The following ABLIM1 variants were observed in gnomAD, a reference collection of about 807,000 sequenced individuals.
The protein encoded by ABLIM1 is actin-binding LIM protein 1.
A neutral mutation model predicts 107.0 loss-of-function variants in ABLIM1; 40 were observed. The observed-to-expected ratio is 0.37, with a 90% confidence interval of 0.29 to 0.49. The LOEUF (loss-of-function observed/expected upper bound fraction) is 0.49. ABLIM1 is among the 20% of genes least tolerant of loss of function. The probability of loss-of-function intolerance (pLI) is 0.97; values close to 1 mark genes in which losing one functional copy is unlikely to be tolerated. For synonymous variants in ABLIM1, 357 were observed against 357.3 expected (o/e 1.00, Z 0.01); for missense variants, 857 against 1,008.5 (o/e 0.85, Z 2.04).
intron 1 of ABLIM1, among the ~76,000 whole-genome samples, chr10:114,633,770 A>G (rs541190184): frequency 2.0e-5 from 3 of 152,236 alleles, no homozygotes; most frequent in Admixed American, 1.3e-4. Flanking sequence ...GCACTTGTCT[A>G]CTTTCCCACT....
At position 114,601,973 on chromosome 10, in the gene ABLIM1, TCAA is replaced by T. The variant is rs1566067628; in HGVS notation, c.245-15_245-13del. On this transcript the variant is annotated splice_polypyrimidine_tract_variant and intron_variant, in intron 1 of 22. Transcript: ENST00000533213. Reference sequence around the variant, plus strand: ...CTGAGGGTGGGCCACTGAAAGAAAATCAACAAAAGATCCAGGTGAGTAGAGAGC... The same window carrying T: ...CTGAGGGTGGGCCACTGAAAGAAAATCAAAAGATCCAGGTGAGTAGAGAGC... 6.2e-7 allele frequency: 1 copy of T among 1,613,454 alleles called. No individual in the cohort carries two copies. Among genetic ancestry groups the T allele is most frequent in the East Asian group, 2.2e-5 (1 of 44,848 alleles).
intron 2 of ABLIM1, among the ~76,000 whole-genome samples, chr10:114,600,896 T>C (rs1173721825): frequency 2.0e-5 from 3 of 152,098 alleles, no homozygotes; most frequent in African/African-American, 4.8e-5. Flanking sequence ...AAATAACAGG[T>C]TGGCATATTT....
intron 22 of ABLIM1, 112 bp from the exon 23 acceptor site, chr10:114,436,485 G>A: frequency 1.3e-6 from 1 of 745,974 alleles, no homozygotes; most frequent in Non-Finnish European, 2.2e-6. Flanking sequence ...CAAGGCAGGA[G>A]GACGGGAGAG....
At chr10:114,523,667 A>G (rs2064138850) in intron 6 of ABLIM1, among the ~76,000 whole-genome samples, 1 of 152,112 alleles carries the variant, frequency 6.6e-6, no homozygotes, top group Admixed American at 6.6e-5. Context: ...AGACATTAAA[A>G]CCTGCTTAGA....
chr10:114,488,502 T>G (rs961809499), intron 7 of ABLIM1, among the ~76,000 whole-genome samples: 1 of 152,258 alleles, frequency 6.6e-6, no homozygotes. Context: ...TTGATTCAAT[T>G]ATACATAGTC....
intron 15 of ABLIM1, among the ~76,000 whole-genome samples, 167 bp downstream of exon 15, chr10:114,447,713 G>A (rs1250757126): frequency 2.0e-5 from 3 of 152,166 alleles, no homozygotes; most frequent in Non-Finnish European, 4.4e-5. Context: ...TAAGCGTTTT[G>A]TACAACAAGT....
At chr10:114,676,597 G>A (rs1466899581) in intron 1 of ABLIM1, among the ~76,000 whole-genome samples, 1 of 152,000 alleles carries the variant, frequency 6.6e-6, no homozygotes, top group Non-Finnish European at 1.5e-5. Flanking sequence ...GAAACTCGGG[G>A]GATTTCAGAT....
At chr10:114,522,979 C>G (rs1005860064) in intron 6 of ABLIM1, among the ~76,000 whole-genome samples, 5 of 152,116 alleles carry the variant, frequency 3.3e-5, no homozygotes, top group Admixed American at 2.6e-4. Context: ...GGTGAAACCC[C>G]ATCTCTACTA....
chr10:114,665,716 C>T (rs898354353), intron 1 of ABLIM1, among the ~76,000 whole-genome samples: 2 of 152,150 alleles, frequency 1.3e-5, no homozygotes, highest in Admixed American at 6.5e-5. Context: ...CCTCTCTCAG[C>T]GCTTGTTTTT....
chr10:114,654,795 C>G (rs1467489088), intron 1 of ABLIM1, among the ~76,000 whole-genome samples: 1 of 152,214 alleles, frequency 6.6e-6, no homozygotes, highest in Non-Finnish European at 1.5e-5. Flanking sequence ...TCTAGTGATC[C>G]TCTGCATCTC....
intron 2 of ABLIM1, among the ~76,000 whole-genome samples, chr10:114,580,160 T>C (rs983819199): frequency 4.0e-5 from 6 of 150,044 alleles, no homozygotes; most frequent in Admixed American, 2.0e-4. Flanking sequence ...CCTTTTTGAA[T>C]GCCTTTATAA....
At chr10:114,439,677 C>T (rs1349404525) in intron 20 of ABLIM1, 1 of 355,350 alleles carries the variant, frequency 2.8e-6, no homozygotes, top group African/African-American at 2.1e-5. Flanking sequence ...TGAGGGCAAA[C>T]TGCTCTCTCC....
At chr10:114,545,226 A>G (rs1186330174) in intron 5 of ABLIM1, 128 bp from the exon 6 acceptor site, 1 of 800,996 alleles carries the variant, frequency 1.2e-6, no homozygotes, top group Admixed American at 2.0e-5. Context: ...CAGTGTTCAC[A>G]TGCCTGGCAA....
intron 1 of ABLIM1, among the ~76,000 whole-genome samples, chr10:114,728,623 C>T (rs1042896830): frequency 4.4e-5 from 6 of 137,230 alleles, no homozygotes; most frequent in Non-Finnish European, 7.8e-5. Context: ...AAACAAAAAG[C>T]AAGCTGTGGA....
intron 20 of ABLIM1, chr10:114,439,854 A>T (rs2059946333): frequency 6.4e-6 from 4 of 620,652 alleles, no homozygotes; most frequent in Non-Finnish European, 1.1e-5. Flanking sequence ...AGCAAGAGAG[A>T]CCCCCTACAC....
intron 4 of ABLIM1, among the ~76,000 whole-genome samples, chr10:114,564,692 G>C (rs2070398459): frequency 6.6e-6 from 1 of 152,152 alleles, no homozygotes; most frequent in Non-Finnish European, 1.5e-5. Context: ...CGAGGGCGCT[G>C]AGTTTCTGAG....
At position 114,580,354 on chromosome 10, in the gene ABLIM1, T is replaced by C. The variant is rs578089064; in HGVS notation, c.380-4755A>G. 2.0e-5 allele frequency among the ~76,000 whole-genome samples: 3 copies of C among 152,166 alleles called. No homozygotes were observed. In the East Asian group the frequency reaches 5.8e-4, roughly 29 times the overall value. On this transcript the variant is annotated intron_variant, in intron 2 of 22. Coordinates refer to ENST00000533213, the MANE Select transcript of ABLIM1 (RefSeq NM_002313.7). ...CCCAAGTAGCTTAGGACTATAGGCA[T>C]GTGCCACCAGGCCCAGCTAATTTTT... is the stretch of plus-strand genomic sequence containing the variant.
At chr10:114,743,679 G>A (rs1036691018) in intron 1 of ABLIM1, among the ~76,000 whole-genome samples, 1 of 152,004 alleles carries the variant, frequency 6.6e-6, no homozygotes, top group Non-Finnish European at 1.5e-5. Flanking sequence ...TTTCAAAAAC[G>A]AAAACCTCAA....
chr10:114,541,576 G>A (rs1186568328), intron 6 of ABLIM1, among the ~76,000 whole-genome samples: 1 of 152,140 alleles, frequency 6.6e-6, no homozygotes, highest in Non-Finnish European at 1.5e-5. Flanking sequence ...AACCCTGCAG[G>A]ACGTTTTTCT....
Sources: gnomAD v4.1 joint callset for allele counts (sites outside exome capture counted in the v4.1 genomes callset) on GRCh38, gnomAD v4.1.1 for gene constraint, MANE v1.5 for transcripts, NCBI Gene and HGNC (gene_info 2026-07-23, HGNC 2026-07-21) for gene names.